FAM135B: variants seen among roughly 807,000 people sequenced by gnomAD.
The protein encoded by FAM135B is protein FAM135B.
In FAM135B, 43 loss-of-function variants were observed where a neutral mutation model predicts 127.7. The observed-to-expected ratio is 0.34, with a 90% CI of 0.26 to 0.43. The LOEUF is 0.43. FAM135B is among the 20% of genes least tolerant of loss of function. FAM135B has a pLI of 1.00. For synonymous variants in FAM135B, 670 were observed against 665.1 expected, an observed-to-expected ratio of 1.01 and a Z score of -0.11; for missense variants, 1,558 against 1,725.6, an observed-to-expected ratio of 0.90 and a Z score of 1.72.
At chr8:138,163,364 C>A (rs539372605) in intron 12 of FAM135B, among the ~76,000 whole-genome samples, 1 of 152,218 alleles carries the variant, frequency 6.6e-6, no homozygotes, top group South Asian at 2.1e-4. Flanking sequence ...GAGACAAAGA[C>A]AGATATTGCA....
At chr8:138,291,110 T>G (rs2130795436) in intron 3 of FAM135B, among the ~76,000 whole-genome samples, 1 of 152,264 alleles carries the variant, frequency 6.6e-6, no homozygotes, top group South Asian at 2.1e-4. Flanking sequence ...TCTTTGAAAC[T>G]TTTCAAAAAC....
chr8:138,172,144 T>G (rs1405931488), intron 11 of FAM135B, among the ~76,000 whole-genome samples: 2 of 152,236 alleles, frequency 1.3e-5, no homozygotes, highest in Non-Finnish European at 2.9e-5. Flanking sequence ...ACTTTCTCTC[T>G]GAATTAAGCA....
chr8:138,161,800 T>C (rs1819429593), intron 12 of FAM135B, among the ~76,000 whole-genome samples: 2 of 152,230 alleles, frequency 1.3e-5, no homozygotes, highest in Non-Finnish European at 2.9e-5. Context: ...AGACCTTCTC[T>C]AAGAAATTCC....
Position 138,442,988 on chromosome 8 carries a change from T to G in FAM135B, c.-20+53683A>C, listed in dbSNP as rs564087409. 2.6e-5 allele frequency among the ~76,000 whole-genome samples: 4 copies of G among 152,260 alleles called. No individual in the cohort carries two copies. The South Asian group carries it at 6.2e-4, about 24-fold the overall frequency. ...GCGAGGATGGCTTGTCTTTAATAAG[T>G]CAGGGGATTACAACCCCAGTGAGGC... On this transcript the variant is annotated intron_variant, in intron 1 of 19. Transcript: ENST00000395297.
At chr8:138,476,540 A>C (rs1489591102) in intron 1 of FAM135B, among the ~76,000 whole-genome samples, 1 of 152,036 alleles carries the variant, frequency 6.6e-6, no homozygotes, top group African/African-American at 2.4e-5. Flanking sequence ...AGTCTATTAA[A>C]AACAGAAAAG....
chr8:138,178,023 T>C (rs575669783), intron 10 of FAM135B, among the ~76,000 whole-genome samples: 2 of 152,212 alleles, frequency 1.3e-5, no homozygotes, highest in East Asian at 1.9e-4. Context: ...GGCGGGCAGA[T>C]TGCCTGAGGT....
intron 7 of FAM135B, among the ~76,000 whole-genome samples, chr8:138,231,074 G>T (rs1268715863): frequency 1.3e-5 from 2 of 151,990 alleles, no homozygotes; most frequent in East Asian, 3.9e-4. Flanking sequence ...CTGTCACCCA[G>T]GCTGGAGTGT....
chr8:138,381,198 C>A (rs1422161707), intron 1 of FAM135B, among the ~76,000 whole-genome samples: 26 of 152,122 alleles, frequency 1.7e-4, no homozygotes, highest in Admixed American at 1.7e-3. Flanking sequence ...CAACTCTAGG[C>A]CCTTCTTCCC....
chr8:138,225,139 T>C (rs918785645), intron 7 of FAM135B, among the ~76,000 whole-genome samples: 2 of 152,220 alleles, frequency 1.3e-5, no homozygotes, highest in East Asian at 1.9e-4. Flanking sequence ...ATTAGATAGA[T>C]ATGTTAATTA....
At chr8:138,326,415 G>C (rs1339703419) in intron 2 of FAM135B, among the ~76,000 whole-genome samples, 2 of 152,164 alleles carry the variant, frequency 1.3e-5, no homozygotes, top group African/African-American at 2.4e-5. Flanking sequence ...CTTTGCATTT[G>C]TATGGGTTGA....
chr8:138,404,455 TA>T lies in FAM135B; in HGVS notation c.-19-36454del, dbSNP rs548967692. 1.8e-4 allele frequency among the ~76,000 whole-genome samples: 27 copies of T among 152,284 alleles called. No individual in the cohort carries two copies. In the East Asian group the frequency reaches 5.2e-3, roughly 29 times the overall value. On this transcript the variant is annotated intron_variant, in intron 1 of 19. Coordinates refer to ENST00000395297, the MANE Select transcript of FAM135B (RefSeq NM_015912.4). Reference sequence around the variant, plus strand: ...AGGTGACTGTGACAAATTCTTAAAATAAGACAACAATGAAGTTTGCCATGTC... The same window carrying T: ...AGGTGACTGTGACAAATTCTTAAAATAGACAACAATGAAGTTTGCCATGTC...
chr8:138,399,739 C>T (rs780956632), intron 1 of FAM135B, among the ~76,000 whole-genome samples: 2 of 152,188 alleles, frequency 1.3e-5, no homozygotes, highest in African/African-American at 2.4e-5. Flanking sequence ...TAGCCCCTAC[C>T]TAATAACTCC....
intron 4 of FAM135B, among the ~76,000 whole-genome samples, chr8:138,258,867 C>G (rs1022827080): frequency 6.6e-6 from 1 of 150,440 alleles, no homozygotes; most frequent in African/African-American, 2.5e-5. Flanking sequence ...TTTATTCTGC[C>G]TTATCTCAAT....
intron 2 of FAM135B, among the ~76,000 whole-genome samples, chr8:138,359,550 A>G (rs138880348): frequency 9.8e-4 from 149 of 152,338 alleles, no homozygotes; most frequent in Non-Finnish European, 1.5e-3. Flanking sequence ...TTCTTAGTCA[A>G]GCAAAGCTGA....
In FAM135B at chr8:138,141,218, T is replaced by C. The variant is rs1817116337; in HGVS notation, c.3770A>G (p.Asn1257Ser). 1 of 1,614,052 alleles carries C rather than the reference T, an allele frequency of 6.2e-7. No individual in the cohort carries two copies. The highest frequency in any genetic ancestry group is 1.3e-5 in the African/African-American group (1 of 75,018). The change falls in exon 17 of 20, where the codon AAC becomes AGC. Residue 1257 changes from asparagine to serine, a missense_variant. Transcript: ENST00000395297. This position sits in a 1 kb window ranked among gnomAD's most constrained non-coding sequence, Gnocchi z 4.7. ...SGPHLGTLYN[N>S]STLVSTGLWL... Reference sequence around the variant, plus strand: ...CTTACCTGTACTAACCAGGGTGCTGTTGTTGTACAGGGTTCCCAGGTGAGG... The same window carrying C: ...CTTACCTGTACTAACCAGGGTGCTGCTGTTGTACAGGGTTCCCAGGTGAGG...
At chr8:138,163,492 G>A (rs1819605794) in intron 12 of FAM135B, among the ~76,000 whole-genome samples, 1 of 152,166 alleles carries the variant, frequency 6.6e-6, no homozygotes, top group African/African-American at 2.4e-5. Flanking sequence ...GAGGGACCTG[G>A]TGGGACTTAA....
At position 138,141,146 on chromosome 8, in the gene FAM135B, C is replaced by A; in HGVS notation, c.3790+52G>T. 1 of 1,587,480 alleles carries A rather than the reference C, an allele frequency of 6.3e-7. No homozygotes were observed. Among genetic ancestry groups the A allele is most frequent in the East Asian group, 2.2e-5 (1 of 44,624 alleles). ...AAGTACCTGTGCCCGGTTTCACGCC[C>A]CAGAGGCCCCAGATTAATTCTGAGG... On this transcript the variant is annotated intron_variant, in intron 17 of 19. Coordinates refer to ENST00000395297, the MANE Select transcript of FAM135B (RefSeq NM_015912.4). This position sits in a 1 kb window ranked among gnomAD's most constrained non-coding sequence, Gnocchi z 4.7.
intron 1 of FAM135B, among the ~76,000 whole-genome samples, chr8:138,452,949 G>A (rs909091071): frequency 2.0e-5 from 3 of 152,162 alleles, no homozygotes; most frequent in South Asian, 2.1e-4. Context: ...AAGCTACAAC[G>A]TCTTCTGTGA....
rs55837421 is a variant in FAM135B at position 138,242,165 on chromosome 8, TTGTGTGTGTGTGTGTGTG to T, written c.669+759_669+776del. 1.2e-3 allele frequency among the ~76,000 whole-genome samples: 162 copies of T among 130,084 alleles called. 1 individual carries two copies. Among genetic ancestry groups the T allele is most frequent in the African/African-American group, 3.9e-3 (134 of 34,110 alleles). 85.3% of individuals were successfully genotyped at this position (130,084 alleles called of 152,430 possible). ...AGTCAATTACTTATGATAAATCTCT[TTGTGTGTGTGTGTGTGTG>T]TGTGTGTGTGTGTGTGTGTGTGTGT... On this transcript the variant is annotated intron_variant, in intron 7 of 19. Coordinates refer to ENST00000395297, the MANE Select transcript of FAM135B (RefSeq NM_015912.4). This position sits in a 1 kb window ranked among gnomAD's most constrained non-coding sequence, Gnocchi z 9.6.
Sources: allele counts gnomAD v4.1 joint callset (sites outside exome capture counted in the v4.1 genomes callset), GRCh38; gene constraint gnomAD v4.1.1; non-coding constraint Gnocchi (gnomAD v3.1); transcripts MANE v1.5; gene names NCBI Gene and HGNC (gene_info 2026-07-23, HGNC 2026-07-21).